The following TSPAN4 variants were observed in gnomAD, a reference collection of about 807,000 sequenced individuals.
TSPAN4 encodes the protein tetraspanin 4, also known as tetraspanin-4.
Under a neutral mutation model 31.5 loss-of-function variants are expected in TSPAN4, and 38 were observed. The ratio of observed to expected loss-of-function variants is 1.21; its 90% CI spans 0.93 to 1.58. TSPAN4 has a LOEUF of 1.58. TSPAN4 is among the 40% of genes most tolerant of loss of function. TSPAN4 has a pLI of 0.00. For synonymous variants in TSPAN4, 186 were observed against 144.6 expected (o/e 1.29, Z -2.06); for missense variants, 330 against 317.3 (o/e 1.04, Z -0.30).
chr11:847,167 C>T (rs1175628254), intron 1 of TSPAN4, 34 bp from the exon 2 acceptor site: 1 of 152,230 alleles, frequency 6.6e-6, no homozygotes, highest in Non-Finnish European at 1.5e-5. Context: ...GGGTGGAAGC[C>T]AGGGCTCCAC....
In TSPAN4 at chr11:866,986, G is replaced by A. The variant is rs970883790; in HGVS notation, c.*356G>A. The A allele has an allele frequency of 1.9e-5, 4 of 211,228 alleles. No individual in the cohort carries two copies. The highest frequency in any genetic ancestry group is 2.8e-5 in the Non-Finnish European group (3 of 105,628). The allele number at this position is 211,228 out of a possible 1,614,324, so 13.1% of individuals were successfully genotyped here. A position where few individuals can be genotyped will look rare whatever the true frequency, so the allele number is the denominator to read the frequency against. ...AAACAGGTTGGCGCTGGAGGAGCCG[G>A]GTCTTGGCATCCTGGAGGTGGCCCC... On this transcript the variant is annotated 3_prime_UTR_variant, in exon 9 of 9. Coordinates refer to ENST00000397397, the MANE Select transcript of TSPAN4 (RefSeq NM_003271.5).
At chr11:853,449 G>A (rs1847869186) in intron 3 of TSPAN4, among the ~76,000 whole-genome samples, 1 of 152,166 alleles carries the variant, frequency 6.6e-6, no homozygotes, top group Non-Finnish European at 1.5e-5. Flanking sequence ...CCTGGGAGGG[G>A]AAGGGAGGGG....
At chr11:864,847 G>T in intron 5 of TSPAN4, 1 of 397,934 alleles carries the variant, frequency 2.5e-6, no homozygotes, top group Non-Finnish European at 4.6e-6. Context: ...TCTGTAGAGC[G>T]GCCTCTTCTT....
At position 862,678 on chromosome 11, in the gene TSPAN4, C is replaced by G; in HGVS notation, c.192C>G (p.Val64=). 1 of 1,613,312 alleles carries G rather than the reference C, an allele frequency of 6.2e-7. No individual in the cohort carries two copies. Among genetic ancestry groups the G allele is most frequent in the Non-Finnish European group, 8.5e-7 (1 of 1,179,860 alleles). Reference sequence around the variant, plus strand: ...TGCTCATCATCACCGGCGCCTTTGTCATGGCCATCGGCTTCGTGGGCTGCC... The same window carrying G: ...TGCTCATCATCACCGGCGCCTTTGTGATGGCCATCGGCTTCGTGGGCTGCC... ...ANLLIITGAF[V]MAIGFVGCLG... is the part of the protein sequence containing the mutation. Residue 64 remains valine (V), a synonymous_variant, in exon 4 of 9, where the codon GTC becomes GTG. Transcript: ENST00000397397.
Position 862,629 on chromosome 11 carries a change from TC to T in TSPAN4, c.146del (p.Pro49ArgfsTer71). On this transcript the variant is annotated frameshift_variant, in exon 4 of 9. Transcript: ENST00000397397. LOFTEE classifies it high-confidence loss of function. ...AGCTTCGCCACGCTGTCCTCTTCCT[TC>T]CCGTCCCTGTCGGCTGCCAACTTGC... ...QGSFATLSSS[F>X]PSLSAANLLI... 6.2e-7 allele frequency: 1 copy of T among 1,613,290 alleles called. No homozygotes were observed. Among genetic ancestry groups the T allele is most frequent in the Non-Finnish European group, 8.5e-7 (1 of 1,179,872 alleles).
chr11:856,164 G>A (rs749061856), intron 3 of TSPAN4, among the ~76,000 whole-genome samples: 1 of 152,204 alleles, frequency 6.6e-6, no homozygotes, highest in African/African-American at 2.4e-5. Context: ...CACGCCCAGC[G>A]CTGGGGGACG....
In TSPAN4 at chr11:865,684, T is replaced by C. The variant is rs369457846; in HGVS notation, c.433-10T>C. On this transcript the variant is annotated splice_polypyrimidine_tract_variant and intron_variant, in intron 6 of 8. Coordinates refer to ENST00000397397, the MANE Select transcript of TSPAN4 (RefSeq NM_003271.5). ...CTCCTGCCTCAGCCCGACCTGAGCT[T>C]GCCCCCCAGTTCCGCTGCTGTGGCG... 1.9e-6 allele frequency: 3 copies of C among 1,613,010 alleles called. No individual in the cohort carries two copies. The African/African-American group carries it at 4.0e-5, about 22-fold the overall frequency.
At chr11:850,856 G>C (rs1309277192) in intron 3 of TSPAN4, among the ~76,000 whole-genome samples, 1 of 152,278 alleles carries the variant, frequency 6.6e-6, no homozygotes, top group Admixed American at 6.5e-5. Flanking sequence ...TCACTTCCGA[G>C]GGTTTGAGCC....
intron 4 of TSPAN4, 93 bp downstream of exon 4, chr11:862,834 A>T (rs1445416579): frequency 2.3e-6 from 3 of 1,326,814 alleles, no homozygotes; most frequent in Non-Finnish European, 3.0e-6. Context: ...GTGACCCCCC[A>T]GACGTGGGCA....
chr11:866,095 C>G, intron 8 of TSPAN4, 94 bp downstream of exon 8: 1 of 1,391,824 alleles, frequency 7.2e-7, no homozygotes. Flanking sequence ...CCCCCAGGAA[C>G]CCACGATCGG....
chr11:855,372 A>C (rs28672671), intron 3 of TSPAN4, among the ~76,000 whole-genome samples: 2 of 152,126 alleles, frequency 1.3e-5, no homozygotes, highest in African/African-American at 4.8e-5. Context: ...ACGGCAGGCC[A>C]CCTCCTTGCT....
rs958223087 is a variant in TSPAN4 at position 865,190 on chromosome 11, C to T, written c.331-323C>T. 43 of 332,090 alleles carry T rather than the reference C, an allele frequency of 1.3e-4. No individual in the cohort carries two copies. The Admixed American group carries it at 1.6e-3, about 12-fold the overall frequency. 20.6% of individuals were successfully genotyped at this position (332,090 alleles called of 1,614,324 possible). On this transcript the variant is annotated intron_variant, in intron 5 of 8. Transcript: ENST00000397397. ...AGGCCAGGGTGCTGGGTGGGCTCAGCGCTCATAGCCCCTGGCTTTCAGCTC... is the reference window on the plus strand; with the variant it reads ...AGGCCAGGGTGCTGGGTGGGCTCAGTGCTCATAGCCCCTGGCTTTCAGCTC...
chr11:853,506 G>A (rs1308490277), intron 3 of TSPAN4, among the ~76,000 whole-genome samples: 1 of 152,114 alleles, frequency 6.6e-6, no homozygotes, highest in Admixed American at 6.5e-5. Flanking sequence ...GCGTTGGTTC[G>A]GATTTCCCAG....
At chr11:862,985 C>T (rs2134059409) in intron 4 of TSPAN4, 1 of 499,744 alleles carries the variant, frequency 2.0e-6, no homozygotes, top group South Asian at 2.9e-5. Context: ...TGTACCTTGT[C>T]AGGGGCCTCC....
intron 4 of TSPAN4, 81 bp downstream of exon 4, chr11:862,822 C>A: frequency 7.1e-7 from 1 of 1,405,224 alleles, no homozygotes; most frequent in Non-Finnish European, 9.5e-7. Flanking sequence ...TTGGCTGCCG[C>A]AGTGACCCCC....
At chr11:864,403 T>C in intron 4 of TSPAN4, 34 bp from the exon 5 acceptor site, 3 of 1,609,594 alleles carry the variant, frequency 1.9e-6, no homozygotes, top group Non-Finnish European at 1.7e-6. Context: ...TGTGCGGCCT[T>C]TCGGGTCCCT....
chr11:865,141 G>GTCCT (rs1037585478), intron 5 of TSPAN4: 2 of 221,890 alleles, frequency 9.0e-6, no homozygotes, highest in African/African-American at 4.6e-5. Context: ...GGTGCTCTGG[G>GTCCT]TCCTCACTGA....
rs770961462 is a variant in TSPAN4 at position 865,801 on chromosome 11, C to CA, written c.540_541insA (p.Ala181SerfsTer204). ...AGTTCAGTGAGAGCTGTGGGCTGCACGCCCCCGGCACCTGGTGGAAGGCGG... is the reference window on the plus strand; with the variant it reads ...AGTTCAGTGAGAGCTGTGGGCTGCACAGCCCCCGGCACCTGGTGGAAGGCGG... On this transcript the variant is annotated frameshift_variant, in exon 7 of 9. Coordinates refer to ENST00000397397, the MANE Select transcript of TSPAN4 (RefSeq NM_003271.5). LOFTEE classifies it high-confidence loss of function. 6.2e-7 allele frequency: 1 copy of CA among 1,612,376 alleles called. No individual in the cohort carries two copies. The highest frequency in any genetic ancestry group is 8.5e-7 in the Non-Finnish European group (1 of 1,179,624).
chr11:865,472 T>C (rs760604951), intron 5 of TSPAN4, 41 bp from the exon 6 acceptor site: 4 of 1,528,066 alleles, frequency 2.6e-6, no homozygotes, highest in Admixed American at 3.4e-5. Context: ...GGAGGCGGGG[T>C]ACAGTGGGAG....
Sources: gnomAD v4.1 joint callset for allele counts (sites outside exome capture counted in the v4.1 genomes callset) on GRCh38, gnomAD v4.1.1 for gene constraint, MANE v1.5 for transcripts, NCBI Gene and HGNC (gene_info 2026-07-23, HGNC 2026-07-21) for gene names.